Variants in ELOC observed in about 807,000 individuals in gnomAD.
The protein encoded by ELOC is elongin C, also known as elongin-C.
For missense variants in ELOC, 38 were observed against 139.0 expected, an observed-to-expected ratio of 0.27 and a Z score of 3.65; for synonymous variants, 40 against 51.3, an observed-to-expected ratio of 0.78 and a Z score of 0.94.
intron 2 of ELOC, among the ~76,000 whole-genome samples, chr8:73,957,433 A>G (rs1342713329): frequency 6.6e-6 from 1 of 152,150 alleles, no homozygotes; most frequent in Non-Finnish European, 1.5e-5. Flanking sequence ...CAGAATTTTA[A>G]TTTTTATAAT....
intron 2 of ELOC, 109 bp from the exon 3 acceptor site, chr8:73,956,163 G>A: frequency 9.7e-7 from 1 of 1,030,834 alleles, no homozygotes; most frequent in Non-Finnish European, 1.4e-6. Flanking sequence ...CACTTTGGCA[G>A]GCCAATCACC....
At chr8:73,962,078 TAG>T (rs990919649) in intron 1 of ELOC, among the ~76,000 whole-genome samples, 6 of 151,936 alleles carry the variant, frequency 3.9e-5, no homozygotes, top group Non-Finnish European at 7.4e-5. Flanking sequence ...GTATTTTCAG[TAG>T]AGACGGGGTT....
intron 3 of ELOC, chr8:73,955,605 CAA>C (rs745881399): frequency 0.017 from 3,153 of 187,470 alleles, no homozygotes; most frequent in South Asian, 0.038. Flanking sequence ...GACTCTGTCT[CAA>C]AAAAAAAAAA....
intron 2 of ELOC, 23 bp downstream of exon 2, chr8:73,959,742 A>G: frequency 1.3e-6 from 2 of 1,546,500 alleles, no homozygotes; most frequent in Non-Finnish European, 8.7e-7. Flanking sequence ...GTTAAAACAC[A>G]AAATTAATTA....
chr8:73,967,221 TC>T (rs1236729957), intron 1 of ELOC, among the ~76,000 whole-genome samples: 2 of 152,034 alleles, frequency 1.3e-5, no homozygotes, highest in African/African-American at 4.8e-5. Flanking sequence ...ACAAAATAAA[TC>T]CAACAACCTC....
At position 73,955,035 on chromosome 8, in the gene ELOC, G is replaced by GAAA. The variant is rs34453392; in HGVS notation, c.148+873_148+875dup. Among the ~76,000 whole-genome samples the GAAA allele has an allele frequency of 4.1e-4, 26 of 62,924 alleles. 1 individual carries two copies. Among genetic ancestry groups the GAAA allele is most frequent in the African/African-American group, 8.0e-4 (12 of 15,078 alleles). The allele number at this position is 62,924 out of a possible 152,430, so 41.3% of individuals were successfully genotyped here. A position where few individuals can be genotyped will look rare whatever the true frequency, so the allele number is the denominator to read the frequency against. ...GGTGACAGAGTGAGACTCCATCTCG[G>GAAA]AAAAAAAAAAAAAAAAAAAAAAGGC... On this transcript the variant is annotated intron_variant, in intron 3 of 3. Transcript: ENST00000520242.
At chr8:73,952,673 C>T (rs557823335) in intron 3 of ELOC, among the ~76,000 whole-genome samples, 5 of 148,620 alleles carry the variant, frequency 3.4e-5, no homozygotes, top group African/African-American at 9.9e-5. Flanking sequence ...CCCAGCTACT[C>T]GGGAGGCTGA....
At chr8:73,956,794 TC>T (rs1814218607) in intron 2 of ELOC, among the ~76,000 whole-genome samples, 1 of 152,214 alleles carries the variant, frequency 6.6e-6, no homozygotes, top group African/African-American at 2.4e-5. Flanking sequence ...AGTCCTAAGT[TC>T]TAAAAGTTAA....
At chr8:73,958,837 C>T (rs1814389377) in intron 2 of ELOC, among the ~76,000 whole-genome samples, 1 of 152,054 alleles carries the variant, frequency 6.6e-6, no homozygotes, top group Non-Finnish European at 1.5e-5. Context: ...AGATACCTTC[C>T]AAGACAAGAA....
Position 73,955,621 on chromosome 8 carries a change from A to T in ELOC, c.148+290T>A, listed in dbSNP as rs1425684867. On this transcript the variant is annotated intron_variant, in intron 3 of 3. Transcript: ENST00000520242. ...ACTCTGTCTCAAAAAAAAAAAAAAA[A>T]ATTAGCCAGGGGTGGTGGTACACAC... 3.3e-5 allele frequency: 9 copies of T among 273,864 alleles called. No individual in the cohort carries two copies. In the South Asian group the frequency reaches 3.9e-4, roughly 12 times the overall value. 17.0% of individuals were successfully genotyped at this position (273,864 alleles called of 1,614,324 possible).
intron 3 of ELOC, among the ~76,000 whole-genome samples, chr8:73,951,434 GT>G (rs1319619221): frequency 1.3e-5 from 2 of 152,156 alleles, no homozygotes; most frequent in Non-Finnish European, 2.9e-5. Context: ...GGGAGGCCAA[GT>G]TGGGAGGACT....
chr8:73,953,513 C>T (rs1285560476), intron 3 of ELOC, among the ~76,000 whole-genome samples: 3 of 151,380 alleles, frequency 2.0e-5, no homozygotes, highest in Non-Finnish European at 2.9e-5. Context: ...CCCGTCTCCA[C>T]TAAAATACAA....
chr8:73,957,162 G>A (rs1444414657), intron 2 of ELOC, among the ~76,000 whole-genome samples: 61 of 140,804 alleles, frequency 4.3e-4, no homozygotes, highest in African/African-American at 1.6e-3. Flanking sequence ...AACAGAGAAA[G>A]ACCCTGTCTC....
intron 3 of ELOC, among the ~76,000 whole-genome samples, chr8:73,948,698 TG>T (rs1392680454): frequency 1.3e-5 from 2 of 152,250 alleles, no homozygotes; most frequent in African/African-American, 4.8e-5. Context: ...CACAGCACTT[TG>T]GGAGACCTAC....
In ELOC at chr8:73,945,356, T is replaced by C. The variant is rs910546053; in HGVS notation, c.*1274A>G. 2.0e-5 allele frequency: 3 copies of C among 152,050 alleles called. No homozygotes were observed. Among genetic ancestry groups the C allele is most frequent in the Non-Finnish European group, 4.4e-5 (3 of 68,040 alleles). 9.4% of individuals were successfully genotyped at this position (152,050 alleles called of 1,614,324 possible). ...CTGGTCTCAAACTCCTGGCCTCAAG[T>C]GATCTACCCGCCTCGTCCTCTGAAA... On this transcript the variant is annotated 3_prime_UTR_variant, in exon 4 of 4. Transcript: ENST00000520242.
chr8:73,953,373 T>C (rs1455121609), intron 3 of ELOC, among the ~76,000 whole-genome samples: 1 of 151,532 alleles, frequency 6.6e-6, no homozygotes, highest in Admixed American at 6.6e-5. Context: ...CCCATTAAGA[T>C]AGCAGTGATA....
chr8:73,954,583 C>T (rs1042224828), intron 3 of ELOC, among the ~76,000 whole-genome samples: 8 of 148,092 alleles, frequency 5.4e-5, no homozygotes, highest in African/African-American at 1.3e-4. Flanking sequence ...ACCCGGGAGG[C>T]GAAGGTTGCA....
intron 3 of ELOC, among the ~76,000 whole-genome samples, chr8:73,953,487 AC>A: frequency 6.6e-6 from 1 of 151,872 alleles, no homozygotes; most frequent in Non-Finnish European, 1.5e-5. Flanking sequence ...GACCAGCCTG[AC>A]CAACATGGAG....
chr8:73,969,215 A>G (rs1452057203), intron 1 of ELOC, among the ~76,000 whole-genome samples: 1 of 152,218 alleles, frequency 6.6e-6, no homozygotes, highest in African/African-American at 2.4e-5. Flanking sequence ...AATCTCAGAA[A>G]CTGATACTCC....
Sources: allele counts gnomAD v4.1 joint callset (sites outside exome capture counted in the v4.1 genomes callset), GRCh38; gene constraint gnomAD v4.1.1; transcripts MANE v1.5; gene names NCBI Gene and HGNC (gene_info 2026-07-23, HGNC 2026-07-21).